Variants in IMPG1 observed in about 807,000 individuals in gnomAD.
IMPG1 encodes interphotoreceptor matrix proteoglycan of 150 kDa.
IMPG1 carries 85 observed loss-of-function variants against 92.0 expected under a neutral mutation model. The observed-to-expected ratio is 0.92, with a 90% CI of 0.78 to 1.11. IMPG1 has a LOEUF of 1.11. Among genes scored for constraint, IMPG1 ranks in the 50% least tolerant of loss-of-function variants. IMPG1 has a pLI of 0.00. For synonymous variants in IMPG1, 367 were observed against 334.1 expected, an observed-to-expected ratio of 1.10 and a Z score of -1.08; for missense variants, 1,022 against 956.0, an observed-to-expected ratio of 1.07 and a Z score of -0.91.
At chr6:76,015,873 C>T (rs1332955197) in intron 7 of IMPG1, among the ~76,000 whole-genome samples, 1 of 151,310 alleles carries the variant, frequency 6.6e-6, no homozygotes, top group Non-Finnish European at 1.5e-5. Context: ...TACAATAGTC[C>T]CTTCCCACAA....
chr6:75,958,724 C>G (rs937305976), intron 12 of IMPG1, among the ~76,000 whole-genome samples: 1 of 152,080 alleles, frequency 6.6e-6, no homozygotes, highest in African/African-American at 2.4e-5. Context: ...CCGGCTCCAT[C>G]AGGTCATTTA....
intron 14 of IMPG1, among the ~76,000 whole-genome samples, chr6:75,940,949 C>T (rs1331613299): frequency 6.6e-6 from 1 of 152,170 alleles, no homozygotes; most frequent in Admixed American, 6.6e-5. Flanking sequence ...CTGTATATGC[C>T]TGCTATGATA....
intron 1 of IMPG1, among the ~76,000 whole-genome samples, chr6:76,043,850 T>C (rs541692584): frequency 6.6e-6 from 1 of 152,350 alleles, no homozygotes; most frequent in South Asian, 2.1e-4. Context: ...GATGTCATCC[T>C]CGGGCAGGCT....
intron 7 of IMPG1, among the ~76,000 whole-genome samples, chr6:76,013,036 C>T (rs1473016224): frequency 1.3e-5 from 2 of 152,138 alleles, no homozygotes; most frequent in African/African-American, 4.8e-5. Flanking sequence ...GCATACCCTC[C>T]CTATCCCTAC....
intron 1 of IMPG1, among the ~76,000 whole-genome samples, chr6:76,070,341 C>G (rs1784385577): frequency 6.6e-6 from 1 of 151,996 alleles, no homozygotes; most frequent in Admixed American, 6.6e-5. Context: ...ATGTGGAGAA[C>G]AGTAAATGCT....
chr6:75,997,657 G>T (rs1297785633), intron 12 of IMPG1, among the ~76,000 whole-genome samples: 1 of 152,186 alleles, frequency 6.6e-6, no homozygotes, highest in African/African-American at 2.4e-5. Context: ...TATCCTCCAG[G>T]CATTTACTGT....
rs766808032 is a variant in IMPG1, at chr6:75,923,676, G to C, written c.2274C>G (p.Tyr758Ter). ...RLPDHSENQA[Y>*]KTSVKKFQNQ... ...TTTGGAACTTTTTAACACTAGTTTT[G>C]TATGCTTGATTTTCAGAGTGATCTG... The change falls in exon 16 of 17, where the codon TAC becomes TAG. Residue 758 changes from tyrosine (Y) to a stop codon, truncating the protein, a stop_gained. Coordinates refer to ENST00000369950, the MANE Select transcript of IMPG1 (RefSeq NM_001563.4). LOFTEE classifies it high-confidence loss of function. The C allele has an allele frequency of 6.3e-7, 1 of 1,596,132 alleles. No individual in the cohort carries two copies. The highest frequency in any genetic ancestry group is 2.2e-5 in the East Asian group (1 of 44,698).
intron 8 of IMPG1, among the ~76,000 whole-genome samples, chr6:76,008,447 G>A (rs1783131462): frequency 6.6e-6 from 1 of 152,118 alleles, no homozygotes. Flanking sequence ...CTTTCTGCCT[G>A]GACTATATTA....
chr6:76,050,137 A>G (rs1784013830), intron 1 of IMPG1, among the ~76,000 whole-genome samples: 2 of 152,110 alleles, frequency 1.3e-5, no homozygotes, highest in African/African-American at 4.8e-5. Flanking sequence ...CTCTTCGTTT[A>G]TAGTTTAAAA....
rs1562365977 is a variant in IMPG1 at position 76,003,918 on chromosome 6, C to T, written c.1168G>A (p.Asp390Asn). The T allele has an allele frequency of 2.5e-6, 4 of 1,613,200 alleles. No individual in the cohort carries two copies. The South Asian group carries it at 4.4e-5, about 18-fold the overall frequency. ...IAGSLPAFGP[D>N]TQSELPTSFA... is the part of the protein sequence containing the mutation. ...GATGTGGGCAGCTCTGATTGGGTGT[C>T]AGGACCAAAGGCTGGCAGTGATCCA... The change falls in exon 11 of 17, where the codon GAC becomes AAC. Residue 390 changes from aspartate (D) to asparagine (N), a missense_variant. By Grantham distance (23) the Asp-to-Asn change is conservative. Transcript: ENST00000369950.
At position 75,964,675 on chromosome 6, in the gene IMPG1, C is replaced by CAAAA. The variant is rs75154439; in HGVS notation, c.1292-13585_1292-13582dup. Among the ~76,000 whole-genome samples, 314 of 81,682 alleles carry CAAAA rather than the reference C, an allele frequency of 3.8e-3. 3 individuals carry two copies. Among genetic ancestry groups the CAAAA allele is most frequent in the East Asian group, 0.012 (37 of 2,992 alleles). 53.6% of individuals were successfully genotyped at this position (81,682 alleles called of 152,430 possible). A position where few individuals can be genotyped will look rare whatever the true frequency, so the allele number is the denominator to read the frequency against. On this transcript the variant is annotated intron_variant, in intron 12 of 16. Coordinates refer to ENST00000369950, the MANE Select transcript of IMPG1 (RefSeq NM_001563.4). ...CTGGGTGACAGAGTGAGACTAGTCT[C>CAAAA]AAAAAAAAAAAAAAAAAAAGAGAGA...
At chr6:76,055,073 A>AT (rs1784098387) in intron 1 of IMPG1, among the ~76,000 whole-genome samples, 1 of 152,060 alleles carries the variant, frequency 6.6e-6, no homozygotes, top group Non-Finnish European at 1.5e-5. Flanking sequence ...AGCCTGACCT[A>AT]ATGGACATGT....
chr6:75,931,518 G>A (rs1781668971), intron 14 of IMPG1, among the ~76,000 whole-genome samples: 3 of 152,094 alleles, frequency 2.0e-5, no homozygotes, highest in Admixed American at 2.0e-4. Flanking sequence ...TGATGCATCT[G>A]GTCTGGGGAG....
At chr6:76,034,144 T>C (rs1374899052) in intron 4 of IMPG1, among the ~76,000 whole-genome samples, 171 bp downstream of exon 4, 2 of 152,244 alleles carry the variant, frequency 1.3e-5, no homozygotes, top group Non-Finnish European at 2.9e-5. Context: ...TTGTTTTATG[T>C]ACTGATTTAT....
intron 9 of IMPG1, among the ~76,000 whole-genome samples, chr6:76,006,343 A>T (rs558809257): frequency 4.0e-5 from 6 of 148,556 alleles, no homozygotes; most frequent in African/African-American, 1.5e-4. Context: ...ATATATGCAC[A>T]CAATATATAT....
chr6:75,923,250 A>G (rs1334673446), intron 16 of IMPG1, among the ~76,000 whole-genome samples: 2 of 152,102 alleles, frequency 1.3e-5, no homozygotes, highest in African/African-American at 2.4e-5. Context: ...TATTTTCTAC[A>G]TATTTTTCCT....
At chr6:76,012,582 G>A (rs1783205078) in intron 7 of IMPG1, among the ~76,000 whole-genome samples, 1 of 152,218 alleles carries the variant, frequency 6.6e-6, no homozygotes, top group South Asian at 2.1e-4. Flanking sequence ...GGAGGCAAGA[G>A]AGACTGAGGA....
intron 1 of IMPG1, among the ~76,000 whole-genome samples, chr6:76,058,066 T>C (rs1472651917): frequency 2.0e-5 from 3 of 152,172 alleles, no homozygotes; most frequent in African/African-American, 7.2e-5. Flanking sequence ...GTGAATTTTG[T>C]GAGTCCCTAG....
intron 12 of IMPG1, among the ~76,000 whole-genome samples, chr6:75,953,377 C>A (rs983647466): frequency 6.6e-6 from 1 of 151,910 alleles, no homozygotes; most frequent in Non-Finnish European, 1.5e-5. Context: ...ATCAACACAT[C>A]ATCTATATTA....
Sources: allele counts gnomAD v4.1 joint callset (sites outside exome capture counted in the v4.1 genomes callset), GRCh38; gene constraint gnomAD v4.1.1; transcripts MANE v1.5; gene names NCBI Gene and HGNC (gene_info 2026-07-23, HGNC 2026-07-21).